The following AKR1C3 variants were observed in gnomAD, a reference collection of about 807,000 sequenced individuals.
AKR1C3 encodes the protein aldo-keto reductase family 1 member C3, also known as 3-alpha hydroxysteroid dehydrogenase, type II.
AKR1C3 carries 48 observed loss-of-function variants against 43.6 expected under a neutral mutation model. The ratio of observed to expected loss-of-function variants is 1.10; its 90% confidence interval spans 0.87 to 1.40. AKR1C3 has a LOEUF of 1.40. AKR1C3 is among the 40% of genes most tolerant of loss of function. The probability of loss-of-function intolerance (pLI) is 0.00; values close to 1 mark genes in which losing one functional copy is unlikely to be tolerated. For synonymous variants in AKR1C3, 162 were observed against 139.6 expected (o/e 1.16, Z -1.13); for missense variants, 482 against 391.2 (o/e 1.23, Z -1.96).
intron 1 of AKR1C3, among the ~76,000 whole-genome samples, chr10:5,088,508 A>G (rs1258814361): frequency 2.0e-5 from 3 of 152,034 alleles, no homozygotes; most frequent in Non-Finnish European, 2.9e-5. Flanking sequence ...GGGTGCTCCA[A>G]TATTGAATAC....
chr10:5,051,729 A>G (rs1554778950), intron 1 of AKR1C3, among the ~76,000 whole-genome samples: 1 of 151,922 alleles, frequency 6.6e-6, no homozygotes, highest in East Asian at 1.9e-4. Context: ...GGTGACACAG[A>G]GGACGTCTTT....
intron 1 of AKR1C3, among the ~76,000 whole-genome samples, chr10:5,055,491 G>A (rs112280306): frequency 0.019 from 2,908 of 152,328 alleles, 102 homozygotes; most frequent in African/African-American, 0.066. Context: ...TCCAGACAGT[G>A]AGATCCTTTC....
upstream of AKR1C3, among the ~76,000 whole-genome samples, chr10:5,091,487 C>T (rs573230763): frequency 1.3e-5 from 2 of 152,122 alleles, no homozygotes; most frequent in East Asian, 3.9e-4. Context: ...ATGTCTTTAG[C>T]TTTTTGTCCT....
At chr10:5,064,532 G>C (rs1554780592) in intron 1 of AKR1C3, among the ~76,000 whole-genome samples, 1 of 151,968 alleles carries the variant, frequency 6.6e-6, no homozygotes, top group East Asian at 1.9e-4. Flanking sequence ...AAGACAAGTG[G>C]GACCTAATAA....
Position 5,078,974 on chromosome 10 carries a change from G to A in AKR1C3, c.85-17436G>A, listed in dbSNP as rs76526379. Among the ~76,000 whole-genome samples, 257 of 152,208 alleles carry A rather than the reference G, an allele frequency of 1.7e-3. 3 individuals carry two copies. Among genetic ancestry groups the A allele is most frequent in the African/African-American group, 5.9e-3 (246 of 41,548 alleles). ...AGACGTGTTCATGTAAAGGTGTCTC[G>A]ATAGTGTTAACTCCAGTCTCCTTGT... On this transcript the variant is annotated intron_variant, in intron 1 of 8. Transcript: ENST00000439082.
chr10:5,078,030 GATTACT>G (rs1838751165), intron 1 of AKR1C3: 2 of 664,842 alleles, frequency 3.0e-6, no homozygotes, highest in Admixed American at 5.0e-5. Flanking sequence ...CTGAAAATAT[GATTACT>G]ATATTTTGTA....
intron 2 of AKR1C3, among the ~76,000 whole-genome samples, chr10:5,097,033 C>G (rs1424922709): frequency 1.3e-5 from 2 of 152,068 alleles, no homozygotes; most frequent in Non-Finnish European, 2.9e-5. Context: ...ATGTTCAAAA[C>G]TTGTTTTACC....
intron 1 of AKR1C3, among the ~76,000 whole-genome samples, chr10:5,079,003 TCTTG>T (rs1838775194): frequency 1.3e-5 from 2 of 152,108 alleles, no homozygotes; most frequent in East Asian, 3.9e-4. Context: ...TCCTTGTGAG[TCTTG>T]CTGACTTACC....
Position 5,083,659 on chromosome 10 carries a change from T to C in AKR1C3, c.85-12751T>C, listed in dbSNP as rs1838887743. ...ATCCCTGAGCAATCGCCACACTGAC[T>C]TCCACAATGGTTGAACTAGTTTACA... On this transcript the variant is annotated intron_variant, in intron 1 of 8. Coordinates refer to the AKR1C3 transcript ENST00000439082. Among the ~76,000 whole-genome samples, 3 of 152,326 alleles carry C rather than the reference T, an allele frequency of 2.0e-5. No individual in the cohort carries two copies. In the South Asian group the frequency reaches 6.2e-4, roughly 32 times the overall value.
rs138455132 is a variant in AKR1C3, at chr10:5,098,806, G to A, written c.374G>A (p.Gly125Asp). The change falls in exon 4 of 9, where the codon GGT (glycine) becomes GAT (aspartate). Residue 125 changes from glycine to aspartate, a missense_variant. Physicochemically the swap from Gly to Asp is moderately conservative, Grantham distance 94 (BLOSUM62 -1). Coordinates refer to ENST00000380554, the MANE Select transcript of AKR1C3 (RefSeq NM_003739.6). ...AAATGACTGCTTCTATTTCAGCCAGGTGAGGAACTTTCACCAACAGATGAA... is the reference window on the plus strand; with the variant it reads ...AAATGACTGCTTCTATTTCAGCCAGATGAGGAACTTTCACCAACAGATGAA... ...LIHSPMSLKP[G>D]EELSPTDENG... The A allele has an allele frequency of 7.3e-5, 118 of 1,613,392 alleles. No individual in the cohort carries two copies. The highest frequency in any genetic ancestry group is 9.7e-5 in the Non-Finnish European group (114 of 1,179,670).
intron 1 of AKR1C3, among the ~76,000 whole-genome samples, chr10:5,085,360 T>G (rs1422791121): frequency 2.0e-5 from 3 of 152,174 alleles, no homozygotes; most frequent in East Asian, 1.9e-4. Context: ...TTGGTTCTGT[T>G]TATATGCTGG....
intron 1 of AKR1C3, among the ~76,000 whole-genome samples, chr10:5,077,485 C>G (rs554465324): frequency 6.6e-6 from 1 of 152,172 alleles, no homozygotes; most frequent in South Asian, 2.1e-4. Context: ...GACTCCCTAC[C>G]CTAGCTAAGT....
At chr10:5,088,151 T>C (rs1188477853) in intron 1 of AKR1C3, among the ~76,000 whole-genome samples, 1 of 152,204 alleles carries the variant, frequency 6.6e-6, no homozygotes, top group Non-Finnish European at 1.5e-5. Context: ...TTGATATTGA[T>C]TTCTAGTTTT....
At chr10:5,055,076 C>T (rs1554779416) in intron 1 of AKR1C3, among the ~76,000 whole-genome samples, 1 of 152,188 alleles carries the variant, frequency 6.6e-6, no homozygotes, top group Admixed American at 6.5e-5. Context: ...TTCCCTTTCC[C>T]AGTTCTAGGG....
At chr10:5,099,569 C>G in intron 5 of AKR1C3, 120 bp downstream of exon 5, 1 of 1,515,274 alleles carries the variant, frequency 6.6e-7, no homozygotes, top group Non-Finnish European at 8.9e-7. Context: ...ATCTAGAGAG[C>G]AAAGCTTCTG....
intron 1 of AKR1C3, among the ~76,000 whole-genome samples, chr10:5,073,050 G>A (rs190386737): frequency 1.9e-4 from 29 of 152,074 alleles, no homozygotes; most frequent in Admixed American, 5.2e-4. Flanking sequence ...TGCAACCTCC[G>A]CCTCCTGAGT....
chr10:5,092,697 A>G (rs1323452929), upstream of AKR1C3, among the ~76,000 whole-genome samples: 5 of 151,882 alleles, frequency 3.3e-5, no homozygotes, highest in East Asian at 1.9e-4. Context: ...GCTTTTCCCA[A>G]TTTCCTGTAG....
rs1330880078 is a variant in AKR1C3 at position 5,069,090 on chromosome 10, CTTATA to C, written c.84+20200_84+20204del. On this transcript the variant is annotated intron_variant, in intron 1 of 8. Transcript: ENST00000439082. ...TCTGACAAAATATTTGATTTAAGCT[CTTATA>C]TTATTATTAAACCAATTTAAAACTT... Among the ~76,000 whole-genome samples, 6 of 149,124 alleles carry C rather than the reference CTTATA, an allele frequency of 4.0e-5. No homozygotes were observed. In the East Asian group the frequency reaches 8.3e-4, roughly 21 times the overall value.
chr10:5,057,565 G>A (rs1204148449), intron 1 of AKR1C3, among the ~76,000 whole-genome samples: 3 of 152,176 alleles, frequency 2.0e-5, no homozygotes, highest in African/African-American at 7.2e-5. Flanking sequence ...AGCCACTCAA[G>A]GAAGGCAGAA....
Sources: gnomAD v4.1 joint callset for allele counts (sites outside exome capture counted in the v4.1 genomes callset) on GRCh38, gnomAD v4.1.1 for gene constraint, MANE v1.5 for transcripts, NCBI Gene and HGNC (gene_info 2026-07-23, HGNC 2026-07-21) for gene names.